Variants in PCDHGA7 observed in about 807,000 individuals in gnomAD.
PCDHGA7 encodes protocadherin gamma subfamily A, 7.
PCDHGA7 carries 44 observed loss-of-function variants against 58.3 expected under a neutral mutation model. That is an observed-to-expected ratio of 0.75 (90% CI 0.59 to 0.97). The LOEUF (loss-of-function observed/expected upper bound fraction) is 0.97. Ranked by LOEUF, PCDHGA7 falls within the 50% of genes least tolerant of loss-of-function variation. The probability of loss-of-function intolerance (pLI) is 0.00; values close to 1 mark genes in which losing one functional copy is unlikely to be tolerated. For missense variants in PCDHGA7, 1,266 were observed against 1,188.7 expected (o/e 1.06, Z -0.96); for synonymous variants, 516 against 504.2 (o/e 1.02, Z -0.31).
chr5:141,508,627 C>T (rs566012494), intron 3 of PCDHGA7, among the ~76,000 whole-genome samples: 1 of 152,262 alleles, frequency 6.6e-6, no homozygotes, highest in South Asian at 2.1e-4. Flanking sequence ...GTGGGCCGAG[C>T]TTCTAGCTAC....
rs529029548 is a variant in PCDHGA7 at position 141,483,337 on chromosome 5, T to C, written c.2425-11470T>C. 9.2e-5 allele frequency among the ~76,000 whole-genome samples: 14 copies of C among 152,260 alleles called. No homozygotes were observed. In the East Asian group the frequency reaches 2.5e-3, roughly 27 times the overall value. On this transcript the variant is annotated intron_variant, in intron 1 of 3. Transcript: ENST00000518325. Reference sequence around the variant, plus strand: ...TGGGACTGGAGGCAAAGAGATCTTATCTCTTTGCAATAGTTTGAAAGCTAT... The same window carrying C: ...TGGGACTGGAGGCAAAGAGATCTTACCTCTTTGCAATAGTTTGAAAGCTAT...
intron 3 of PCDHGA7, among the ~76,000 whole-genome samples, chr5:141,507,802 T>G (rs886950696): frequency 6.6e-6 from 1 of 152,204 alleles, no homozygotes; most frequent in African/African-American, 2.4e-5. Context: ...GCCTGCGCCC[T>G]GGGGAACGGA....
In PCDHGA7 at chr5:141,383,987, G is replaced by T; in HGVS notation, c.1088G>T (p.Gly363Val). Residue 363 changes from glycine (G) to valine (V), a missense_variant, in exon 1 of 4, where the codon GGG becomes GTG. Gly to Val is a moderately radical substitution (Grantham distance 109). Transcript: ENST00000518325. ...TCAATCCCTGAAGACACACCTCTTG[G>T]GACAGTCATTGCTCTTTTCTACCTA... ...SSSIPEDTPL[G>V]TVIALFYLQD... 3.7e-6 allele frequency: 6 copies of T among 1,613,730 alleles called. No individual in the cohort carries two copies. Among genetic ancestry groups the T allele is most frequent in the Non-Finnish European group, 5.1e-6 (6 of 1,179,804 alleles).
At position 141,510,973 on chromosome 5, in the gene PCDHGA7, G is replaced by A. The variant is rs1448442252; in HGVS notation, c.2599G>A (p.Gly867Arg). 2 of 1,614,042 alleles carry A rather than the reference G, an allele frequency of 1.2e-6. No individual in the cohort carries two copies. Among genetic ancestry groups the A allele is most frequent in the East Asian group, 2.2e-5 (1 of 44,894 alleles). ...AGCTGCTGATGGGAGCTCCACCCTG[G>A]GAGGGGGTGCCGGCACCATGGGATT... ...SEAADGSSTL[G>R]GGAGTMGLSA... Residue 867 changes from glycine (G) to arginine (R), a missense_variant, in exon 4 of 4, where the codon GGA (glycine) becomes AGA (arginine). Gly to Arg is a moderately radical substitution (Grantham distance 125). Transcript: ENST00000518325.
At chr5:141,389,267 GA>G (rs2091674195) in intron 1 of PCDHGA7, 1 of 1,613,890 alleles carries the variant, frequency 6.2e-7, no homozygotes, top group African/African-American at 1.3e-5. Context: ...ACGTGGCCGA[GA>G]ACAACCCGCC....
intron 2 of PCDHGA7, among the ~76,000 whole-genome samples, chr5:141,504,355 C>T (rs974022699): frequency 6.6e-6 from 1 of 152,078 alleles, no homozygotes; most frequent in Non-Finnish European, 1.5e-5. Flanking sequence ...GTGCTAGGTG[C>T]TTCAGTAGGA....
chr5:141,491,232 G>C lies in PCDHGA7; in HGVS notation c.2425-3575G>C. The C allele has an allele frequency of 6.2e-7, 1 of 1,614,220 alleles. No individual in the cohort carries two copies. Among genetic ancestry groups the C allele is most frequent in the Non-Finnish European group, 8.5e-7 (1 of 1,180,034 alleles). On this transcript the variant is annotated intron_variant, in intron 1 of 3. Coordinates refer to ENST00000518325, the MANE Select transcript of PCDHGA7 (RefSeq NM_018920.4). The surrounding 1 kb of genome is among the most constrained non-coding windows in gnomAD (Gnocchi z 6.9). ...TCTCCTCCACAGCCACAGTGCTGCT[G>C]GTTCTGGAGGATGAGGACCCTGAGG... is the stretch of plus-strand genomic sequence containing the variant.
At position 141,485,257 on chromosome 5, in the gene PCDHGA7, T is replaced by G. The variant is rs1251686604; in HGVS notation, c.2425-9550T>G. 1.9e-6 allele frequency: 3 copies of G among 1,614,036 alleles called. No homozygotes were observed. The highest frequency in any genetic ancestry group is 2.5e-6 in the Non-Finnish European group (3 of 1,180,006). ...TCTTTTACCACCTGGGTTACGTTTG[T>G]GGGCAGATCCGCTACCCGGTCCCAG... On this transcript the variant is annotated intron_variant, in intron 1 of 3. Coordinates refer to ENST00000518325, the MANE Select transcript of PCDHGA7 (RefSeq NM_018920.4). The surrounding 1 kb of genome is among the most constrained non-coding windows in gnomAD (Gnocchi z 5.7).
At position 141,393,619 on chromosome 5, in the gene PCDHGA7, C is replaced by T. The variant is rs768350628; in HGVS notation, c.2424+8296C>T. 50 of 1,613,708 alleles carry T rather than the reference C, an allele frequency of 3.1e-5. No homozygotes were observed. Among genetic ancestry groups the T allele is most frequent in the Admixed American group, 6.7e-5 (4 of 60,000 alleles). ...CTGCTTACTGTAACAGCCAGCGACC[C>T]GGATGAGGGAATCAACGGAAAAGTG... On this transcript the variant is annotated intron_variant, in intron 1 of 3. Transcript: ENST00000518325.
chr5:141,410,687 T>A, intron 1 of PCDHGA7: 1 of 1,518,632 alleles, frequency 6.6e-7, no homozygotes, highest in Non-Finnish European at 8.8e-7. Context: ...TTAGGCATAC[T>A]ACTTTATTTT....
At chr5:141,496,583 C>A (rs990137003) in intron 2 of PCDHGA7, among the ~76,000 whole-genome samples, 1 of 152,168 alleles carries the variant, frequency 6.6e-6, no homozygotes, top group African/African-American at 2.4e-5. Flanking sequence ...TTTAGGAACG[C>A]AAAGCGCTTC....
chr5:141,505,591 G>C (rs2099846959), intron 3 of PCDHGA7, 110 bp downstream of exon 3: 2 of 1,570,280 alleles, frequency 1.3e-6, no homozygotes, highest in African/African-American at 2.7e-5. Flanking sequence ...AGTTTCTCCA[G>C]ATCTTTCGGC....
At position 141,432,181 on chromosome 5, in the gene PCDHGA7, G is replaced by A. The variant is rs1443322706; in HGVS notation, c.2424+46858G>A. 3.7e-6 allele frequency: 6 copies of A among 1,614,116 alleles called. No homozygotes were observed. In the South Asian group the frequency reaches 6.6e-5, roughly 18 times the overall value. On this transcript the variant is annotated intron_variant, in intron 1 of 3. Coordinates refer to ENST00000518325, the MANE Select transcript of PCDHGA7 (RefSeq NM_018920.4). This position sits in a 1 kb window ranked among gnomAD's most constrained non-coding sequence, Gnocchi z 6.0. ...CCAGAGGAGTTTCCCTCGTCTCTGTGACCGCCCACGACCCCGACTGTGAAG... is the reference window on the plus strand; with the variant it reads ...CCAGAGGAGTTTCCCTCGTCTCTGTAACCGCCCACGACCCCGACTGTGAAG...
Position 141,405,333 on chromosome 5 carries a change from C to T in PCDHGA7, c.2424+20010C>T, listed in dbSNP as rs1253133454. 29 of 1,614,086 alleles carry T rather than the reference C, an allele frequency of 1.8e-5. No homozygotes were observed. Among genetic ancestry groups the T allele is most frequent in the Non-Finnish European group, 2.5e-5 (29 of 1,180,034 alleles). ...GAGAAAAATGAGCCTTTGTGCGTCT[C>T]TGTTGATTCCAAGTTTCCTATAGAA... On this transcript the variant is annotated intron_variant, in intron 1 of 3. Coordinates refer to ENST00000518325, the MANE Select transcript of PCDHGA7 (RefSeq NM_018920.4).
chr5:141,422,655 C>T (rs188587553), intron 1 of PCDHGA7: 2 of 1,610,120 alleles, frequency 1.2e-6, no homozygotes, highest in Admixed American at 3.3e-5. Flanking sequence ...TCTCAGTGAC[C>T]GCCCTCGACC....
intron 1 of PCDHGA7, among the ~76,000 whole-genome samples, chr5:141,402,058 TA>T: frequency 6.6e-6 from 1 of 152,304 alleles, no homozygotes; most frequent in South Asian, 2.1e-4. Flanking sequence ...ATATTCACAT[TA>T]AAAAACTAAG....
Position 141,489,084 on chromosome 5 carries a change from C to T in PCDHGA7, c.2425-5723C>T, listed in dbSNP as rs1232276875. On this transcript the variant is annotated intron_variant, in intron 1 of 3. Transcript: ENST00000518325. This position sits in a 1 kb window ranked among gnomAD's most constrained non-coding sequence, Gnocchi z 4.5. ...CTCCCCCCTGCCCACCCCCGCCACTCGGTGACTAAGAACTGCTGCAAGCAG... is the reference window on the plus strand; with the variant it reads ...CTCCCCCCTGCCCACCCCCGCCACTTGGTGACTAAGAACTGCTGCAAGCAG... The T allele has an allele frequency of 1.5e-5, 5 of 329,072 alleles. No homozygotes were observed. Among genetic ancestry groups the T allele is most frequent in the South Asian group, 1.3e-4 (2 of 15,846 alleles). The allele number at this position is 329,072 out of a possible 1,614,324, so 20.4% of individuals were successfully genotyped here. A position where few individuals can be genotyped will look rare whatever the true frequency, so the allele number is the denominator to read the frequency against.
At chr5:141,472,066 T>C (rs1440684719) in intron 1 of PCDHGA7, among the ~76,000 whole-genome samples, 1 of 152,140 alleles carries the variant, frequency 6.6e-6, no homozygotes, top group African/African-American at 2.4e-5. Flanking sequence ...GACATGTCTG[T>C]GGTTATATCA....
intron 1 of PCDHGA7, chr5:141,393,007 G>T: frequency 6.2e-7 from 1 of 1,613,850 alleles, no homozygotes; most frequent in South Asian, 1.1e-5. Context: ...CACGGAGTCC[G>T]TATCGTCTCC....
Sources: gnomAD v4.1 joint callset for allele counts (sites outside exome capture counted in the v4.1 genomes callset) on GRCh38, gnomAD v4.1.1 for gene constraint, Gnocchi (gnomAD v3.1) non-coding constraint, MANE v1.5 for transcripts, NCBI Gene and HGNC (gene_info 2026-07-23, HGNC 2026-07-21) for gene names.